NYX: variants seen among roughly 807,000 people sequenced by gnomAD.
NYX encodes nyctalopin.
For missense variants in NYX, 481 were observed against 485.4 expected (o/e 0.99, Z 0.09); for synonymous variants, 258 against 245.7 (o/e 1.05, Z -0.47).
chrX:41,455,199 G>C (rs1318314057), intron 2 of NYX, among the ~76,000 whole-genome samples: 1 of 109,426 alleles, frequency 9.1e-6, no homozygotes, highest in Non-Finnish European at 1.9e-5. Context: ...TCCGCCTCCT[G>C]GATTCAAGTG....
intron 2 of NYX, among the ~76,000 whole-genome samples, chrX:41,460,784 C>G (rs997554020): frequency 9.2e-6 from 1 of 108,415 alleles, no homozygotes; most frequent in Admixed American, 1.0e-4. Context: ...CTTTGCCTCC[C>G]TACTCATCCC....
intron 2 of NYX, among the ~76,000 whole-genome samples, chrX:41,448,562 CTT>C (rs1289675519): frequency 1.6e-4 from 14 of 86,556 alleles, no homozygotes; most frequent in Non-Finnish European, 1.8e-4. Flanking sequence ...CTTTTCTTTT[CTT>C]TTTTTTTTTT....
intron 2 of NYX, among the ~76,000 whole-genome samples, chrX:41,470,978 G>A (rs757769678): frequency 2.2e-4 from 24 of 111,160 alleles, no homozygotes; most frequent in African/African-American, 7.5e-4. Flanking sequence ...TATTTCTCAC[G>A]GCCCAATAAT....
Position 41,474,719 on chromosome X carries a change from C to T in NYX, c.1251C>T (p.Ala417=), listed in dbSNP as rs758153838. Residue 417 remains alanine, a synonymous_variant, in exon 3 of 3, where the codon GCC becomes GCT. Transcript: ENST00000378220. ...GCAGCCTCCTCTCCAAGCTGCTGGC[C>T]CCGAGGGTCCCGGTGGAGGAGGCGG... ...RFSSLLSKLL[A]PRVPVEEAAN... 8.4e-7 allele frequency: 1 copy of T among 1,195,611 alleles called. No homozygotes were observed. The highest frequency in any genetic ancestry group is 1.8e-5 in the South Asian group (1 of 54,629).
chrX:41,473,287 G>A (rs957231331), intron 2 of NYX, among the ~76,000 whole-genome samples: 2 of 110,855 alleles, frequency 1.8e-5, no homozygotes, highest in African/African-American at 3.3e-5. Context: ...GAAAGCAAAG[G>A]AGCGGGTGTC....
At chrX:41,472,568 C>A in intron 2 of NYX, 1 of 530,123 alleles carries the variant, frequency 1.9e-6, no homozygotes. Context: ...GGCTCTGCGT[C>A]CATCAGGGGC....
At chrX:41,472,545 C>A in intron 2 of NYX, 1 of 565,282 alleles carries the variant, frequency 1.8e-6, no homozygotes, top group Admixed American at 2.6e-5. Context: ...TCAAGAACCT[C>A]TGACTACAGG....
chrX:41,473,028 G>T (rs1231527561), intron 2 of NYX, among the ~76,000 whole-genome samples: 3 of 111,827 alleles, frequency 2.7e-5, no homozygotes, highest in Admixed American at 1.9e-4. Flanking sequence ...GAACTCCTGA[G>T]CTCAGGTGAT....
chrX:41,467,028 T>A (rs374782801), intron 2 of NYX, among the ~76,000 whole-genome samples: 1 of 109,970 alleles, frequency 9.1e-6, no homozygotes, highest in South Asian at 3.8e-4. Context: ...GGTCTCGAAC[T>A]CCTGACCTCC....
rs184162927 is a variant in NYX, at chrX:41,470,847, G to T, written c.23-2644G>T. 1.8e-3 allele frequency among the ~76,000 whole-genome samples: 201 copies of T among 110,649 alleles called. 1 individual carries two copies. Among genetic ancestry groups the T allele is most frequent in the Non-Finnish European group, 2.6e-3 (138 of 52,897 alleles). On this transcript the variant is annotated intron_variant, in intron 2 of 2. Coordinates refer to ENST00000378220, the MANE Select transcript of NYX (RefSeq NM_001378477.3). ...CACGGGGCTAGTGGCTACTGTATTG[G>T]GCAGCGCAGATCTAGGGTGAAGGCC... is the stretch of plus-strand genomic sequence containing the variant.
intron 2 of NYX, among the ~76,000 whole-genome samples, chrX:41,471,255 G>A (rs182626434): frequency 9.0e-6 from 1 of 111,121 alleles, no homozygotes; most frequent in Non-Finnish European, 1.9e-5. Context: ...GGGATTACAG[G>A]TGCCCACCAC....
In NYX at chrX:41,475,347, T is replaced by C. The variant is rs2147027219; in HGVS notation, c.*448T>C. The C allele has an allele frequency of 7.1e-6, 1 of 141,593 alleles. No homozygotes were observed. Among genetic ancestry groups the C allele is most frequent in the Admixed American group, 8.0e-5 (1 of 12,432 alleles). The allele number at this position is 141,593 out of a possible 1,213,427, so 11.7% of individuals were successfully genotyped here. A position where few individuals can be genotyped will look rare whatever the true frequency, so the allele number is the denominator to read the frequency against. On this transcript the variant is annotated 3_prime_UTR_variant, in exon 3 of 3. Coordinates refer to ENST00000378220, the MANE Select transcript of NYX (RefSeq NM_001378477.3). Reference sequence around the variant, plus strand: ...CCTTTGTTTTCTACCACAATCCTCCTCCTCCTCTCCAGGGGCCTGGAAACA... The same window carrying C: ...CCTTTGTTTTCTACCACAATCCTCCCCCTCCTCTCCAGGGGCCTGGAAACA...
chrX:41,450,811 A>AAT lies in NYX; in HGVS notation c.22+2902_22+2903dup, dbSNP rs1183287949. Among the ~76,000 whole-genome samples the AAT allele has an allele frequency of 6.9e-3, 238 of 34,325 alleles. 1 individual carries two copies. The highest frequency in any genetic ancestry group is 0.015 in the Middle Eastern group (1 of 66). The allele number at this position is 34,325 out of a possible 115,157, so 29.8% of individuals were successfully genotyped here. A position where few individuals can be genotyped will look rare whatever the true frequency, so the allele number is the denominator to read the frequency against. ...CTGGCGTGAGCCACCACACCTGGCT[A>AAT]ATATATATATATATATATTTTTTTT... On this transcript the variant is annotated intron_variant, in intron 2 of 2. Transcript: ENST00000378220.
chrX:41,455,605 G>C, intron 2 of NYX, among the ~76,000 whole-genome samples: 1 of 109,960 alleles, frequency 9.1e-6, no homozygotes, highest in East Asian at 2.9e-4. Context: ...GCCCAGGGCA[G>C]TCCTGCTACA....
chrX:41,459,433 A>G (rs779430671), intron 2 of NYX, among the ~76,000 whole-genome samples: 1 of 110,336 alleles, frequency 9.1e-6, no homozygotes, highest in African/African-American at 3.3e-5. Context: ...AGCCTGACCA[A>G]CATGGTGAAA....
At position 41,474,192 on chromosome X, in the gene NYX, G is replaced by C; in HGVS notation, c.724G>C (p.Ala242Pro). The C allele has an allele frequency of 8.6e-7, 1 of 1,169,111 alleles. No individual in the cohort carries two copies. Residue 242 changes from alanine (A) to proline (P), a missense_variant, in exon 3 of 3, where the codon GCC becomes CCC. Physicochemically the swap from Ala to Pro is conservative, Grantham distance 27 (BLOSUM62 -1). Coordinates refer to ENST00000378220, the MANE Select transcript of NYX (RefSeq NM_001378477.3). ...LNDNLLAELP[A>P]DAFRGLRRLR... ...CGACAACCTGCTGGCCGAGCTCCCG[G>C]CCGACGCCTTCCGCGGCCTGCGGCG...
At position 41,473,946 on chromosome X, in the gene NYX, G is replaced by A. The variant is rs890770938; in HGVS notation, c.478G>A (p.Ala160Thr). 4 of 1,101,657 alleles carry A rather than the reference G, an allele frequency of 3.6e-6. No individual in the cohort carries two copies. The highest frequency in any genetic ancestry group is 4.7e-6 in the Non-Finnish European group (4 of 847,854). The allele number at this position is 1,101,657 out of a possible 1,213,427, so 90.8% of individuals were successfully genotyped here. A position where few individuals can be genotyped will look rare whatever the true frequency, so the allele number is the denominator to read the frequency against. ...CGAACTGCCGGCCCTGCGCGAACTC[G>A]CCGCCTTCGACAACCTGTTCCGCCG... The part of the protein sequence containing the change: ...LAELPALREL[A>T]AFDNLFRRVP... Residue 160 changes from alanine (A) to threonine (T), a missense_variant, in exon 3 of 3, where the codon GCC (alanine) becomes ACC (threonine). By Grantham distance (58) the Ala-to-Thr change is moderately conservative. Transcript: ENST00000378220.
intron 2 of NYX, among the ~76,000 whole-genome samples, chrX:41,450,619 G>C (rs747968625): frequency 5.0e-5 from 5 of 100,417 alleles, no homozygotes; most frequent in African/African-American, 1.9e-4. Flanking sequence ...ATCACAATGA[G>C]GTGCCACTCA....
rs373767225 is a variant in NYX, at chrX:41,457,234, AG to A, written c.22+9310del. Among the ~76,000 whole-genome samples the A allele has an allele frequency of 2.6e-3, 250 of 97,446 alleles. 1 individual carries two copies. Among genetic ancestry groups the A allele is most frequent in the African/African-American group, 9.0e-3 (234 of 26,015 alleles). The allele number at this position is 97,446 out of a possible 115,157, so 84.6% of individuals were successfully genotyped here. On this transcript the variant is annotated intron_variant, in intron 2 of 2. Coordinates refer to ENST00000378220, the MANE Select transcript of NYX (RefSeq NM_001378477.3). Reference sequence around the variant, plus strand: ...GGCAGGAGAATCGCTTGAACCCGGGAGGCGGAGGTTGCAGTGAGCCGAGATC... The same window carrying A: ...GGCAGGAGAATCGCTTGAACCCGGGAGCGGAGGTTGCAGTGAGCCGAGATC...
Sources: allele counts gnomAD v4.1 joint callset (sites outside exome capture counted in the v4.1 genomes callset), GRCh38; gene constraint gnomAD v4.1.1; transcripts MANE v1.5; gene names NCBI Gene and HGNC (gene_info 2026-07-23, HGNC 2026-07-21).